Variants in ITPR2 observed in about 807,000 individuals in gnomAD.
ITPR2 encodes inositol 1,4,5-trisphosphate receptor type 2.
Under a neutral mutation model 317.1 loss-of-function variants are expected in ITPR2, and 207 were observed. The ratio of observed to expected loss-of-function variants is 0.65; its 90% confidence interval spans 0.58 to 0.73. The LOEUF (loss-of-function observed/expected upper bound fraction) is 0.73. Ranked by LOEUF, ITPR2 falls within the 30% of genes least tolerant of loss-of-function variation. The probability of loss-of-function intolerance (pLI) is 0.00; values close to 1 mark genes in which losing one functional copy is unlikely to be tolerated. For synonymous variants in ITPR2, 1,156 were observed against 1,149.1 expected, an observed-to-expected ratio of 1.01 and a Z score of -0.12; for missense variants, 2,613 against 3,284.0, an observed-to-expected ratio of 0.80 and a Z score of 4.99.
At chr12:26,783,014 G>T (rs1255264573) in intron 2 of ITPR2, among the ~76,000 whole-genome samples, 2 of 152,336 alleles carry the variant, frequency 1.3e-5, no homozygotes, top group South Asian at 2.1e-4. Context: ...ATACACATGA[G>T]TGTGTAACCT....
chr12:26,653,388 C>T (rs1333727519), intron 21 of ITPR2, among the ~76,000 whole-genome samples: 1 of 151,982 alleles, frequency 6.6e-6, no homozygotes, highest in African/African-American at 2.4e-5. Flanking sequence ...ATTACAGGCA[C>T]ACGCCACCAT....
intron 1 of ITPR2, among the ~76,000 whole-genome samples, chr12:26,814,497 G>C (rs895574968): frequency 3.3e-5 from 5 of 152,106 alleles, no homozygotes; most frequent in Non-Finnish European, 5.9e-5. Context: ...TCACATCCAG[G>C]AGTGTGGCAC....
At chr12:26,686,129 A>G (rs1296659257) in intron 11 of ITPR2, among the ~76,000 whole-genome samples, 1 of 152,226 alleles carries the variant, frequency 6.6e-6, no homozygotes, top group Non-Finnish European at 1.5e-5. Context: ...AAATGAACAA[A>G]TGGATGAATG....
intron 5 of ITPR2, among the ~76,000 whole-genome samples, chr12:26,718,505 G>GTGTATA (rs1555181746): frequency 1.6e-5 from 2 of 124,550 alleles, no homozygotes; most frequent in African/African-American, 9.9e-5. Context: ...CCATAAAACT[G>GTGTATA]TATATATATA....
intron 1 of ITPR2, among the ~76,000 whole-genome samples, chr12:26,827,369 T>C (rs1407573588): frequency 6.6e-6 from 1 of 151,904 alleles, no homozygotes; most frequent in East Asian, 1.9e-4. Flanking sequence ...TAAAGGATAA[T>C]GGGGAAAAAA....
At chr12:26,605,715 T>C (rs930691960) in intron 26 of ITPR2, among the ~76,000 whole-genome samples, 2 of 152,152 alleles carry the variant, frequency 1.3e-5, no homozygotes, top group Non-Finnish European at 2.9e-5. Flanking sequence ...ACATAGACAA[T>C]GCTAAACTCT....
intron 2 of ITPR2, among the ~76,000 whole-genome samples, chr12:26,760,580 CCCTAACAA>C (rs1023097790): frequency 2.8e-4 from 43 of 152,214 alleles, no homozygotes; most frequent in African/African-American, 1.0e-3. Flanking sequence ...AGCCCTAATG[CCCTAACAA>C]ATCCCTTGTC....
chr12:26,708,126 G>C (rs983942839), intron 9 of ITPR2, among the ~76,000 whole-genome samples: 1 of 152,148 alleles, frequency 6.6e-6, no homozygotes, highest in African/African-American at 2.4e-5. Context: ...GTGGAGAAAG[G>C]GGAACCCTCA....
At chr12:26,543,108 C>A (rs895970886) in intron 37 of ITPR2, among the ~76,000 whole-genome samples, 1 of 152,050 alleles carries the variant, frequency 6.6e-6, no homozygotes, top group Non-Finnish European at 1.5e-5. Context: ...GTACAAGATG[C>A]GGGAAATTGA....
At chr12:26,580,796 T>C (rs986235414) in intron 32 of ITPR2, among the ~76,000 whole-genome samples, 1 of 152,148 alleles carries the variant, frequency 6.6e-6, no homozygotes, top group African/African-American at 2.4e-5. Context: ...GAAAAGAGCA[T>C]CCCTGGCTCG....
chr12:26,812,575 T>A (rs2137270552), intron 1 of ITPR2, among the ~76,000 whole-genome samples: 1 of 152,002 alleles, frequency 6.6e-6, no homozygotes, highest in East Asian at 1.9e-4. Flanking sequence ...CGAGACTCCG[T>A]CTCAAAAAAA....
Position 26,415,375 on chromosome 12 carries a change from T to G in ITPR2, c.7234A>C (p.Ile2412Leu). 6.2e-7 allele frequency: 1 copy of G among 1,612,510 alleles called. No homozygotes were observed. The change falls in exon 51 of 57, where the codon ATT becomes CTT. Residue 2412 changes from isoleucine to leucine, a missense_variant. This residue lies in a region of ITPR2 where 14 missense variants were observed against 48.2 expected (regional missense o/e 0.29). Transcript: ENST00000381340. ...TCATCCTTCAAAAAAAGGAACCCAA[T>G]AATGGAAAACAGGTAGACGAGGATG... The part of the protein sequence containing the change: ...ALILVYLFSI[I>L]GFLFLKDDFT...
chr12:26,388,469 T>C (rs961308867), intron 54 of ITPR2, among the ~76,000 whole-genome samples: 3 of 152,058 alleles, frequency 2.0e-5, no homozygotes, highest in African/African-American at 7.2e-5. Flanking sequence ...ACCCTTTTAT[T>C]TATTTATTTT....
At chr12:26,441,794 C>T (rs1329618032) in intron 46 of ITPR2, among the ~76,000 whole-genome samples, 3 of 152,104 alleles carry the variant, frequency 2.0e-5, no homozygotes, top group Non-Finnish European at 4.4e-5. Flanking sequence ...TACATGGCAC[C>T]AACTTCTGCT....
rs556283916 is a variant in ITPR2, at chr12:26,796,168, C to T, written c.93-5941G>A. Among the ~76,000 whole-genome samples the T allele has an allele frequency of 2.6e-5, 4 of 152,210 alleles. No homozygotes were observed. The East Asian group carries it at 5.8e-4, about 22-fold the overall frequency. ...CTTTTTTCTCATTCATACAAAGAAG[C>T]CATAAATACTAATGGCATCCCTTAA... On this transcript the variant is annotated intron_variant, in intron 1 of 56. Transcript: ENST00000381340.
intron 10 of ITPR2, among the ~76,000 whole-genome samples, chr12:26,689,325 G>A (rs182191357): frequency 1.3e-5 from 2 of 152,226 alleles, no homozygotes; most frequent in Admixed American, 1.3e-4. Context: ...CCTGTAGTGG[G>A]AGGATCACCT....
intron 45 of ITPR2, among the ~76,000 whole-genome samples, chr12:26,474,492 T>A (rs2136819002): frequency 6.6e-6 from 1 of 152,272 alleles, no homozygotes; most frequent in African/African-American, 2.4e-5. Flanking sequence ...ATGGAAACAG[T>A]TCCTTCAAAA....
chr12:26,402,832 CT>C (rs1252412415), intron 52 of ITPR2, among the ~76,000 whole-genome samples: 2 of 152,182 alleles, frequency 1.3e-5, no homozygotes, highest in Non-Finnish European at 2.9e-5. Flanking sequence ...TAAATGCCAC[CT>C]TGTGGTTACC....
rs150495475 is a variant in ITPR2, at chr12:26,513,542, C to CCT, written c.5074-18284_5074-18283dup. ...CTCTTCCTCGGATACTTTGTTCAGA[C>CCT]CTCTCTCTCTCTCTCTGCAGAAACC... is the stretch of plus-strand genomic sequence containing the variant. On this transcript the variant is annotated intron_variant, in intron 37 of 56. Transcript: ENST00000381340. Among the ~76,000 whole-genome samples the CCT allele has an allele frequency of 8.0e-5, 12 of 149,946 alleles. No homozygotes were observed. The East Asian group carries it at 9.9e-4, about 12-fold the overall frequency.
Sources: gnomAD v4.1 joint callset for allele counts (sites outside exome capture counted in the v4.1 genomes callset) on GRCh38, gnomAD v4.1.1 for gene constraint, gnomAD v4.1.1 regional missense constraint, MANE v1.5 for transcripts, NCBI Gene and HGNC (gene_info 2026-07-23, HGNC 2026-07-21) for gene names.